The following CHRM2 variants were observed in gnomAD, a reference collection of about 807,000 sequenced individuals.
CHRM2 encodes muscarinic acetylcholine receptor M2.
A neutral mutation model predicts 25.0 loss-of-function variants in CHRM2; 8 were observed. The observed-to-expected ratio is 0.32, with a 90% CI of 0.19 to 0.58. CHRM2 has a LOEUF of 0.58. Among genes scored for constraint, CHRM2 ranks in the 20% least tolerant of loss-of-function variants. The pLI, the probability that CHRM2 is intolerant of heterozygous loss-of-function variation, is 0.88. For missense variants in CHRM2, 440 were observed against 567.1 expected, an observed-to-expected ratio of 0.78 and a Z score of 2.28; for synonymous variants, 202 against 205.7, an observed-to-expected ratio of 0.98 and a Z score of 0.15.
At chr7:136,906,232 G>A (rs1311409020) in intron 2 of CHRM2, among the ~76,000 whole-genome samples, 1 of 150,390 alleles carries the variant, frequency 6.6e-6, no homozygotes, top group East Asian at 2.0e-4. Flanking sequence ...TGGTTTGTAT[G>A]TATGTACATA....
intron 2 of CHRM2, among the ~76,000 whole-genome samples, chr7:136,919,069 C>G (rs1275506254): frequency 2.6e-5 from 4 of 152,046 alleles, no homozygotes; most frequent in African/African-American, 9.7e-5. Context: ...GGCCATTTTT[C>G]TCTATATTAT....
chr7:136,880,257 T>C (rs953625833), intron 2 of CHRM2, among the ~76,000 whole-genome samples: 5 of 151,922 alleles, frequency 3.3e-5, no homozygotes, highest in Non-Finnish European at 7.4e-5. Context: ...TGGCATCTCT[T>C]GGTGTCTGAG....
chr7:137,000,194 C>CTTTTTTTTTTTTTTTTTTTTTTTTTTT (rs57283576), intron 3 of CHRM2, among the ~76,000 whole-genome samples: 1 of 73,316 alleles, frequency 1.4e-5, no homozygotes, highest in African/African-American at 5.7e-5. Flanking sequence ...CTTTTTCTTT[C>CTTTTTTTTTTTTTTTTTTTTTTTTTTT]TTTTTTTTTT....
intron 2 of CHRM2, among the ~76,000 whole-genome samples, chr7:136,916,225 C>T (rs1458432911): frequency 5.3e-5 from 8 of 151,794 alleles, no homozygotes; most frequent in East Asian, 1.9e-4. Context: ...TGATTAAATG[C>T]AGCAGAAAGC....
At chr7:136,925,967 G>A (rs1378074099) in intron 2 of CHRM2, among the ~76,000 whole-genome samples, 1 of 152,164 alleles carries the variant, frequency 6.6e-6, no homozygotes, top group Non-Finnish European at 1.5e-5. Context: ...GCCAGGCATG[G>A]TGGCTCACAC....
rs573063279 is a variant in CHRM2 at position 136,901,140 on chromosome 7, G to T, written c.-125+31722G>T. On this transcript the variant is annotated intron_variant, in intron 2 of 3. Transcript: ENST00000680005. ...AGTAGATTGTCCTGTACAGCCCGGG[G>T]AGTGTGGGCACCCCCAAAGTGGAAA... 2.0e-4 allele frequency among the ~76,000 whole-genome samples: 31 copies of T among 152,168 alleles called. No homozygotes were observed. In the South Asian group the frequency reaches 4.3e-3, roughly 21 times the overall value.
chr7:136,985,202 G>A (rs190646382), intron 2 of CHRM2, among the ~76,000 whole-genome samples: 1 of 152,056 alleles, frequency 6.6e-6, no homozygotes, highest in Non-Finnish European at 1.5e-5. Flanking sequence ...CCAGCTACTA[G>A]GATTTTAAAG....
In CHRM2 at chr7:136,930,898, C is replaced by CAAAAAAAAAAAAAAA. The variant is rs57705639; in HGVS notation, c.-124-61274_-124-61260dup. Among the ~76,000 whole-genome samples the CAAAAAAAAAAAAAAA allele has an allele frequency of 2.2e-3, 137 of 61,128 alleles. 7 individuals are homozygous for CAAAAAAAAAAAAAAA. Among genetic ancestry groups the CAAAAAAAAAAAAAAA allele is most frequent in the Non-Finnish European group, 3.8e-3 (102 of 26,678 alleles). 40.1% of individuals were successfully genotyped at this position (61,128 alleles called of 152,430 possible). A position where few individuals can be genotyped will look rare whatever the true frequency, so the allele number is the denominator to read the frequency against. ...GGCTACAGAGCCAGACTCATTCTCT[C>CAAAAAAAAAAAAAAA]AAAAAAAAAAAAAAAAAAAAAAAAA... On this transcript the variant is annotated intron_variant, in intron 2 of 3. Transcript: ENST00000680005.
Position 136,949,262 on chromosome 7 carries a change from A to G in CHRM2, c.-124-42925A>G, listed in dbSNP as rs370123005. Among the ~76,000 whole-genome samples the G allele has an allele frequency of 1.0e-3, 156 of 152,232 alleles. 1 individual carries two copies. The highest frequency in any genetic ancestry group is 3.4e-3 in the African/African-American group (143 of 41,538). On this transcript the variant is annotated intron_variant, in intron 2 of 3. Transcript: ENST00000680005. ...TAGCTTCATTTTTTAAAAGATGAAG[A>G]CACAGAAACTCAGAGAGGCGAAATA...
chr7:137,011,646 A>T (rs537423069), intron 3 of CHRM2, among the ~76,000 whole-genome samples: 1 of 152,004 alleles, frequency 6.6e-6, no homozygotes, highest in Non-Finnish European at 1.5e-5. Context: ...ACACATCCGA[A>T]TTAATATTTT....
intron 2 of CHRM2, chr7:136,951,198 T>C (rs1800394824): frequency 6.6e-6 from 1 of 152,164 alleles, no homozygotes; most frequent in Non-Finnish European, 1.5e-5. Flanking sequence ...TGGTTCTTGT[T>C]ACTTCAGCTT....
At chr7:136,940,966 G>A (rs1156347530) in intron 2 of CHRM2, among the ~76,000 whole-genome samples, 13 of 152,096 alleles carry the variant, frequency 8.5e-5, no homozygotes, top group Non-Finnish European at 1.9e-4. Context: ...ACATTTGAAG[G>A]ACTGTCAAGT....
intron 2 of CHRM2, among the ~76,000 whole-genome samples, chr7:136,973,786 G>T (rs1801937994): frequency 6.6e-6 from 1 of 151,972 alleles, no homozygotes; most frequent in Admixed American, 6.6e-5. Flanking sequence ...GATGGTGGTG[G>T]GGATGGTAGG....
chr7:136,956,846 T>C (rs990883448), intron 2 of CHRM2, among the ~76,000 whole-genome samples: 3 of 151,464 alleles, frequency 2.0e-5, no homozygotes, highest in African/African-American at 7.3e-5. Flanking sequence ...TTCCTCTCTC[T>C]CTTATTATTA....
At chr7:136,971,325 A>G (rs1486068134) in intron 2 of CHRM2, among the ~76,000 whole-genome samples, 1 of 152,138 alleles carries the variant, frequency 6.6e-6, no homozygotes. Context: ...TTTAGACCAC[A>G]CTAGTTCAGT....
intron 2 of CHRM2, among the ~76,000 whole-genome samples, chr7:136,955,601 C>A (rs1344332450): frequency 2.6e-5 from 4 of 152,054 alleles, no homozygotes; most frequent in South Asian, 2.1e-4. Context: ...AATGTCCTGG[C>A]CTTTGTCTCT....
At chr7:136,979,605 C>A (rs1802347798) in intron 2 of CHRM2, among the ~76,000 whole-genome samples, 2 of 152,132 alleles carry the variant, frequency 1.3e-5, no homozygotes, top group Non-Finnish European at 2.9e-5. Context: ...TTTAATCCAT[C>A]TTGAGTTAAT....
At chr7:136,964,474 G>A (rs1003464594) in intron 2 of CHRM2, among the ~76,000 whole-genome samples, 9 of 152,060 alleles carry the variant, frequency 5.9e-5, no homozygotes, top group Non-Finnish European at 1.3e-4. Context: ...ATAAGGGCTG[G>A]GAGAAAAACA....
At chr7:136,880,031 C>T (rs982385637) in intron 2 of CHRM2, among the ~76,000 whole-genome samples, 2 of 148,928 alleles carry the variant, frequency 1.3e-5, no homozygotes, top group Non-Finnish European at 3.0e-5. Flanking sequence ...TTCCCGTGGT[C>T]CATTCCTCTT....
Sources: gnomAD v4.1 joint callset for allele counts (sites outside exome capture counted in the v4.1 genomes callset) on GRCh38, gnomAD v4.1.1 for gene constraint, MANE v1.5 for transcripts, NCBI Gene and HGNC (gene_info 2026-07-23, HGNC 2026-07-21) for gene names.